The following CTCF variants were observed in gnomAD, a reference collection of about 807,000 sequenced individuals.
CTCF encodes transcriptional repressor CTCF.
CTCF carries 7 observed loss-of-function variants against 72.3 expected under a neutral mutation model. The ratio of observed to expected loss-of-function variants is 0.10; its 90% CI spans 0.06 to 0.18. CTCF has a LOEUF of 0.18. Ranked by LOEUF, CTCF falls within the 10% of genes least tolerant of loss-of-function variation. The pLI, the probability that CTCF is intolerant of heterozygous loss-of-function variation, is 1.00. For synonymous variants in CTCF, 374 were observed against 315.8 expected (o/e 1.18, Z -1.95); for missense variants, 516 against 949.1 (o/e 0.54, Z 6.00).
chr16:67,617,673 A>T (rs2052149934), intron 5 of CTCF, among the ~76,000 whole-genome samples: 1 of 152,070 alleles, frequency 6.6e-6, no homozygotes, highest in African/African-American at 2.4e-5. Context: ...CAAGAGTGAA[A>T]CTCCGTCTTA....
chr16:67,590,987 T>A (rs1337411847), intron 2 of CTCF, among the ~76,000 whole-genome samples: 1 of 123,924 alleles, frequency 8.1e-6, no homozygotes, highest in African/African-American at 3.2e-5. Flanking sequence ...AAAAAAATGC[T>A]GGACTGGGTG....
At chr16:67,577,289 C>T (rs1009923530) in intron 2 of CTCF, among the ~76,000 whole-genome samples, 7 of 144,012 alleles carry the variant, frequency 4.9e-5, no homozygotes, top group East Asian at 2.2e-4. Flanking sequence ...TGGTGGCGGG[C>T]GCCTGTAGTC....
At chr16:67,586,236 C>T (rs2051666944) in intron 2 of CTCF, among the ~76,000 whole-genome samples, 1 of 151,932 alleles carries the variant, frequency 6.6e-6, no homozygotes, top group Non-Finnish European at 1.5e-5. Flanking sequence ...CCCATTTCTA[C>T]CAAAAATACA....
rs778459519 is a variant in CTCF, at chr16:67,621,452, T to A, written c.1218T>A (p.Pro406=). 1 of 1,599,134 alleles carries A rather than the reference T, an allele frequency of 6.3e-7. No individual in the cohort carries two copies. The highest frequency in any genetic ancestry group is 8.6e-7 in the Non-Finnish European group (1 of 1,166,930). The change falls in exon 7 of 12, where the codon CCT becomes CCA. Residue 406 remains proline, a synonymous_variant. Coordinates refer to ENST00000264010, the MANE Select transcript of CTCF (RefSeq NM_006565.4). ...GTATTTTCTTTAAAGGGGAAAAGCC[T>A]TATGAATGTTATATTTGTCATGCTC... ...RHMRTHSGEK[P]YECYICHARF... is the part of the protein sequence containing the mutation.
intron 5 of CTCF, among the ~76,000 whole-genome samples, chr16:67,618,366 C>T (rs1452414180): frequency 6.6e-6 from 1 of 152,196 alleles, no homozygotes; most frequent in Non-Finnish European, 1.5e-5. Flanking sequence ...CGCACCACTG[C>T]ACTCCAGCCT....
intron 6 of CTCF, 104 bp downstream of exon 6, chr16:67,620,921 C>T (rs2052192139): frequency 6.3e-6 from 6 of 945,662 alleles, no homozygotes; most frequent in Non-Finnish European, 8.9e-6. Flanking sequence ...TGAATGAAGA[C>T]TGGCATGAAA....
chr16:67,598,526 T>G (rs2051844010), intron 2 of CTCF, among the ~76,000 whole-genome samples: 1 of 152,200 alleles, frequency 6.6e-6, no homozygotes. Context: ...TTACATGGTT[T>G]GAGAGGCAAC....
At chr16:67,588,878 A>G (rs2051702231) in intron 2 of CTCF, among the ~76,000 whole-genome samples, 1 of 151,918 alleles carries the variant, frequency 6.6e-6, no homozygotes, top group African/African-American at 2.4e-5. Context: ...TTTAGTAGAG[A>G]CAGGGTTTCG....
chr16:67,602,293 G>T (rs1180419502), intron 2 of CTCF, among the ~76,000 whole-genome samples: 4 of 152,140 alleles, frequency 2.6e-5, no homozygotes, highest in African/African-American at 9.7e-5. Context: ...CCCAAAGATT[G>T]TTTTTCCTCT....
chr16:67,611,933 G>T lies in CTCF; in HGVS notation c.782-18G>T, dbSNP rs2142827860. On this transcript the variant is annotated intron_variant, in intron 3 of 11. Coordinates refer to ENST00000264010, the MANE Select transcript of CTCF (RefSeq NM_006565.4). ...CTTTGAAACTCTGCAGCAAGTAAGT[G>T]TTTTATTTTGCACATAGGTGTAAAG... The T allele has an allele frequency of 6.2e-7, 1 of 1,610,238 alleles. No individual in the cohort carries two copies. Among genetic ancestry groups the T allele is most frequent in the Non-Finnish European group, 8.5e-7 (1 of 1,176,740 alleles).
intron 1 of CTCF, among the ~76,000 whole-genome samples, chr16:67,570,355 C>T (rs1390456448): frequency 1.3e-5 from 2 of 152,206 alleles, no homozygotes; most frequent in African/African-American, 4.8e-5. Flanking sequence ...GCTGGGATTA[C>T]AGGCGTAAGC....
chr16:67,586,158 T>G lies in CTCF; in HGVS notation c.-10+14894T>G, dbSNP rs543319765. On this transcript the variant is annotated intron_variant, in intron 2 of 11. Coordinates refer to ENST00000264010, the MANE Select transcript of CTCF (RefSeq NM_006565.4). Reference sequence around the variant, plus strand: ...GCTCACGCCTATAATTCCAGCACTTTGGGAGGCCAAGGCAGGTGGAGCACT... The same window carrying G: ...GCTCACGCCTATAATTCCAGCACTTGGGGAGGCCAAGGCAGGTGGAGCACT... Among the ~76,000 whole-genome samples the G allele has an allele frequency of 5.9e-5, 9 of 152,312 alleles. No homozygotes were observed. The South Asian group carries it at 1.7e-3, about 28-fold the overall frequency.
In CTCF at chr16:67,572,942, C is replaced by G. The variant is rs1310576231; in HGVS notation, c.-10+1678C>G. ...GCGACAGAGTGACTCTGTCTGCCCC[C>G]CCCCGCCCCCCCCCCCAAAACAACA... On this transcript the variant is annotated intron_variant, in intron 2 of 11. Coordinates refer to ENST00000264010, the MANE Select transcript of CTCF (RefSeq NM_006565.4). Among the ~76,000 whole-genome samples, 6 of 106,174 alleles carry G rather than the reference C, an allele frequency of 5.7e-5. No homozygotes were observed. The East Asian group carries it at 1.7e-3, about 31-fold the overall frequency. The allele number at this position is 106,174 out of a possible 152,430, so 69.7% of individuals were successfully genotyped here. A position where few individuals can be genotyped will look rare whatever the true frequency, so the allele number is the denominator to read the frequency against.
chr16:67,565,649 G>A (rs560017024), intron 1 of CTCF, among the ~76,000 whole-genome samples: 3 of 148,746 alleles, frequency 2.0e-5, no homozygotes, highest in South Asian at 4.3e-4. Flanking sequence ...CTCCAGCCTG[G>A]GCAACAGAGC....
intron 1 of CTCF, among the ~76,000 whole-genome samples, chr16:67,566,189 G>A (rs1012248133): frequency 1.3e-5 from 2 of 152,070 alleles, no homozygotes; most frequent in Non-Finnish European, 2.9e-5. Flanking sequence ...GTGTAACTTT[G>A]AAGACCATGG....
intron 2 of CTCF, among the ~76,000 whole-genome samples, chr16:67,589,024 GCT>G (rs2051704042): frequency 6.6e-6 from 1 of 152,058 alleles, no homozygotes; most frequent in African/African-American, 2.4e-5. Context: ...GGGTGTAATG[GCT>G]CATGCCCATA....
At chr16:67,575,615 G>T (rs1597680635) in intron 2 of CTCF, among the ~76,000 whole-genome samples, 1 of 151,974 alleles carries the variant, frequency 6.6e-6, no homozygotes, top group South Asian at 2.1e-4. Context: ...GCTAATTTTT[G>T]TATTTTTAGT....
chr16:67,584,337 C>CTTTTTTTTTTTTTTTTTTT (rs904086024), intron 2 of CTCF, among the ~76,000 whole-genome samples: 1 of 105,836 alleles, frequency 9.4e-6, no homozygotes, highest in African/African-American at 4.3e-5. Context: ...AAAAAGTCTT[C>CTTTTTTTTTTTTTTTTTTT]TTTTTTTTTT....
At chr16:67,616,419 C>G in intron 4 of CTCF, 2 of 223,642 alleles carry the variant, frequency 8.9e-6, no homozygotes, top group Non-Finnish European at 9.1e-6. Context: ...CCACCAAGCC[C>G]GGTCTCTATT....
Sources: allele counts gnomAD v4.1 joint callset (sites outside exome capture counted in the v4.1 genomes callset), GRCh38; gene constraint gnomAD v4.1.1; transcripts MANE v1.5; gene names NCBI Gene and HGNC (gene_info 2026-07-23, HGNC 2026-07-21).